The following KCNJ6 variants were observed in gnomAD, a reference collection of about 807,000 sequenced individuals.
KCNJ6 encodes the protein G protein-activated inward rectifier potassium channel 2.
Under a neutral mutation model 34.2 loss-of-function variants are expected in KCNJ6, and 9 were observed. The observed-to-expected ratio is 0.26, with a 90% CI of 0.16 to 0.46. KCNJ6 has a LOEUF of 0.46. KCNJ6 is among the 20% of genes least tolerant of loss of function. The pLI is 1.00. For synonymous variants in KCNJ6, 196 were observed against 207.1 expected, an observed-to-expected ratio of 0.95 and a Z score of 0.46; for missense variants, 236 against 531.3, an observed-to-expected ratio of 0.44 and a Z score of 5.46.
At chr21:37,666,640 C>T (rs1028779504) in intron 3 of KCNJ6, among the ~76,000 whole-genome samples, 3 of 151,942 alleles carry the variant, frequency 2.0e-5, no homozygotes, top group Admixed American at 6.6e-5. Context: ...TGCAGGTGTA[C>T]CCAACAGCTC....
intron 2 of KCNJ6, among the ~76,000 whole-genome samples, chr21:37,767,125 C>G (rs976196861): frequency 1.3e-5 from 2 of 152,212 alleles, no homozygotes; most frequent in African/African-American, 4.8e-5. Context: ...CTCAACACAC[C>G]GCATTAGTGT....
At chr21:37,628,320 A>G (rs370190793) in intron 3 of KCNJ6, among the ~76,000 whole-genome samples, 4 of 152,200 alleles carry the variant, frequency 2.6e-5, no homozygotes, top group East Asian at 3.8e-4. Context: ...CTGTTTCCCC[A>G]AATAAAGAAT....
At chr21:37,835,451 C>T (rs146569079) in intron 2 of KCNJ6, among the ~76,000 whole-genome samples, 3 of 152,338 alleles carry the variant, frequency 2.0e-5, no homozygotes, top group African/African-American at 4.8e-5. Context: ...GTATTTGATG[C>T]ATTCCCAGGA....
At chr21:37,822,486 T>A (rs2055377828) in intron 2 of KCNJ6, among the ~76,000 whole-genome samples, 1 of 152,254 alleles carries the variant, frequency 6.6e-6, no homozygotes, top group South Asian at 2.1e-4. Flanking sequence ...CTCAGCTCTC[T>A]GCTCCTGAAG....
At chr21:37,651,525 A>G (rs530370867) in intron 3 of KCNJ6, among the ~76,000 whole-genome samples, 4 of 152,266 alleles carry the variant, frequency 2.6e-5, no homozygotes, top group African/African-American at 9.6e-5. Context: ...GATGGCGGGT[A>G]GATTGGAGTG....
At chr21:37,672,725 T>C (rs1226700178) in intron 3 of KCNJ6, among the ~76,000 whole-genome samples, 1 of 152,144 alleles carries the variant, frequency 6.6e-6, no homozygotes, top group Non-Finnish European at 1.5e-5. Context: ...TTTTTCTCTC[T>C]TTCTCTTTTT....
At chr21:37,649,133 A>AT (rs1239671370) in intron 3 of KCNJ6, among the ~76,000 whole-genome samples, 1 of 107,224 alleles carries the variant, frequency 9.3e-6, no homozygotes, top group African/African-American at 5.5e-5. Context: ...ACTCCATCTC[A>AT]AAAAAAAAAA....
chr21:37,836,610 A>C (rs570760151), intron 2 of KCNJ6, among the ~76,000 whole-genome samples: 3 of 152,192 alleles, frequency 2.0e-5, no homozygotes, highest in Non-Finnish European at 4.4e-5. Context: ...GAAGCTGGAA[A>C]CTATCATTCT....
At position 37,840,578 on chromosome 21, in the gene KCNJ6, CA is replaced by C. The variant is rs1429680738; in HGVS notation, c.25+79del. On this transcript the variant is annotated intron_variant, in intron 2 of 3. Coordinates refer to ENST00000609713, the MANE Select transcript of KCNJ6 (RefSeq NM_002240.5). ...AAAAGAGAAGGACAAATCAGATCAT[CA>C]CACGGGATGTCTTTTTTGTGCGATT... 7.5e-6 allele frequency: 7 copies of C among 928,148 alleles called. No homozygotes were observed. The African/African-American group carries it at 9.9e-5, about 13-fold the overall frequency. The allele number at this position is 928,148 out of a possible 1,614,324, so 57.5% of individuals were successfully genotyped here.
chr21:37,766,059 C>T (rs547333115), intron 2 of KCNJ6, among the ~76,000 whole-genome samples: 2 of 152,314 alleles, frequency 1.3e-5, no homozygotes, highest in East Asian at 1.9e-4. Context: ...TACCAGCACG[C>T]CACTAGTTAG....
intron 2 of KCNJ6, among the ~76,000 whole-genome samples, chr21:37,834,276 T>C (rs1347146862): frequency 6.6e-6 from 1 of 152,222 alleles, no homozygotes; most frequent in Admixed American, 6.5e-5. Context: ...TGCCCAGTCA[T>C]CTGCTATCAA....
At chr21:37,734,891 AC>A (rs1407506277) in intron 2 of KCNJ6, among the ~76,000 whole-genome samples, 1 of 152,152 alleles carries the variant, frequency 6.6e-6, no homozygotes, top group African/African-American at 2.4e-5. Flanking sequence ...AGGATAACCT[AC>A]GCACATCTTG....
At chr21:37,704,660 G>GTCATCA (rs56195622) in intron 3 of KCNJ6, among the ~76,000 whole-genome samples, 18 of 150,580 alleles carry the variant, frequency 1.2e-4, no homozygotes, top group Middle Eastern at 3.5e-3. Context: ...ATGAGTCGTC[G>GTCATCA]TCATCATCAT....
At chr21:37,678,438 A>C (rs953142677) in intron 3 of KCNJ6, among the ~76,000 whole-genome samples, 1 of 152,198 alleles carries the variant, frequency 6.6e-6, no homozygotes, top group African/African-American at 2.4e-5. Context: ...ATGCTCTCCT[A>C]AGTGTCTTAA....
chr21:37,819,798 A>C (rs1601487090), intron 2 of KCNJ6, among the ~76,000 whole-genome samples: 2 of 54,346 alleles, frequency 3.7e-5, no homozygotes, highest in East Asian at 1.8e-3. Context: ...TGTTAAATAC[A>C]CTTTTTTTTT....
At chr21:37,635,364 C>T (rs1028951614) in intron 3 of KCNJ6, among the ~76,000 whole-genome samples, 69 of 151,934 alleles carry the variant, frequency 4.5e-4, no homozygotes, top group African/African-American at 1.4e-3. Context: ...AGTATAGGCG[C>T]TTGCCAGCAC....
chr21:37,650,675 C>T (rs2054429092), intron 3 of KCNJ6, among the ~76,000 whole-genome samples: 1 of 152,224 alleles, frequency 6.6e-6, no homozygotes, highest in African/African-American at 2.4e-5. Flanking sequence ...CTAGGCTCTT[C>T]ACACTCTGCT....
chr21:37,730,251 T>A (rs1345786171), intron 2 of KCNJ6, among the ~76,000 whole-genome samples: 1 of 152,220 alleles, frequency 6.6e-6, no homozygotes, highest in Non-Finnish European at 1.5e-5. Flanking sequence ...GGGTGAAATG[T>A]CCACCTTGCT....
intron 3 of KCNJ6, among the ~76,000 whole-genome samples, chr21:37,629,026 A>G (rs1289737479): frequency 1.3e-5 from 2 of 152,194 alleles, no homozygotes; most frequent in African/African-American, 4.8e-5. Flanking sequence ...TTGTACTCCA[A>G]GAAATAATAA....
Sources: gnomAD v4.1 joint callset for allele counts (sites outside exome capture counted in the v4.1 genomes callset) on GRCh38, gnomAD v4.1.1 for gene constraint, MANE v1.5 for transcripts, NCBI Gene and HGNC (gene_info 2026-07-23, HGNC 2026-07-21) for gene names.